CFAP92: variants seen among roughly 807,000 people sequenced by gnomAD.
CFAP92 encodes the protein cilia and flagella associated protein 92 (putative), also known as uncharacterized protein CFAP92.
In CFAP92, 86 loss-of-function variants were observed where a neutral mutation model predicts 106.3. The ratio of observed to expected loss-of-function variants is 0.81; its 90% confidence interval spans 0.68 to 0.97. The LOEUF is 0.97. Ranked by LOEUF, CFAP92 falls within the 50% of genes least tolerant of loss-of-function variation. CFAP92 has a pLI of 0.00. For missense variants in CFAP92, 1,204 were observed against 1,283.8 expected, an observed-to-expected ratio of 0.94 and a Z score of 0.95; for synonymous variants, 477 against 506.4, an observed-to-expected ratio of 0.94 and a Z score of 0.78.
upstream of CFAP92, among the ~76,000 whole-genome samples, chr3:129,004,351 CATTT>C (rs1397755091): frequency 6.8e-6 from 1 of 146,100 alleles, no homozygotes; most frequent in Non-Finnish European, 1.5e-5. Context: ...TCCATCCATC[CATTT>C]GTCCATTCAC....
rs151136322 is a variant in CFAP92 at position 128,926,077 on chromosome 3, G to A, written c.2751+6623C>T. 4.9e-3 allele frequency among the ~76,000 whole-genome samples: 741 copies of A among 152,260 alleles called. 8 individuals are homozygous for A. The highest frequency in any genetic ancestry group is 0.017 in the African/African-American group (705 of 41,538). ...CTCATTTGAATAAAAGTAAAACACT[G>A]TCAATTAGAAAAATACAACTAGATT... On this transcript the variant is annotated intron_variant, in intron 12 of 15. Transcript: ENST00000645291.
chr3:128,915,550 C>A lies in CFAP92; in HGVS notation c.2930G>T (p.Arg977Ile). The change falls in exon 14 of 16, where the codon AGA becomes ATA. Residue 977 changes from arginine to isoleucine, a missense_variant. Physicochemically the swap from Arg to Ile is moderately conservative, Grantham distance 97. Coordinates refer to ENST00000645291, the MANE Select transcript of CFAP92 (RefSeq NM_001394090.1). ...GAGGTAATCCTGTGAGTACGTGAAT[C>A]TCTTTCTTGGCTCCTAGAAATGGGG... ...YQEIAKEPRK[R>I]FTYSQDYLSA... The A allele has an allele frequency of 6.6e-7, 1 of 1,517,962 alleles. No homozygotes were observed. Among genetic ancestry groups the A allele is most frequent in the African/African-American group, 1.4e-5 (1 of 72,128 alleles). 94.0% of individuals were successfully genotyped at this position (1,517,962 alleles called of 1,614,324 possible).
At chr3:128,927,137 A>G (rs543121838) in intron 12 of CFAP92, among the ~76,000 whole-genome samples, 1 of 152,244 alleles carries the variant, frequency 6.6e-6, no homozygotes, top group African/African-American at 2.4e-5. Context: ...CTCCATTCAC[A>G]CACAACAAAG....
intron 12 of CFAP92, among the ~76,000 whole-genome samples, chr3:128,925,589 CA>C (rs1403979133): frequency 6.6e-6 from 1 of 152,082 alleles, no homozygotes; most frequent in Non-Finnish European, 1.5e-5. Flanking sequence ...AAATATCTAA[CA>C]TTGGAGTCCC....
the CFAP92 span, among the ~76,000 whole-genome samples, chr3:129,017,182 C>G: frequency 6.6e-6 from 1 of 152,240 alleles, no homozygotes; most frequent in African/African-American, 2.4e-5. Context: ...CTAAACCAAT[C>G]TGAAGGAAGC....
chr3:129,024,213 C>T, the CFAP92 span, among the ~76,000 whole-genome samples: 1 of 152,110 alleles, frequency 6.6e-6, no homozygotes, highest in Non-Finnish European at 1.5e-5. Context: ...AACAGAATAC[C>T]ACAGACTGGG....
chr3:128,943,037 A>G (rs1939816585), intron 10 of CFAP92, among the ~76,000 whole-genome samples: 1 of 147,536 alleles, frequency 6.8e-6, no homozygotes, highest in Non-Finnish European at 1.5e-5. Flanking sequence ...CTCCTGCCTC[A>G]GCCTCCTGAG....
chr3:128,928,374 A>G (rs1414860558), intron 12 of CFAP92, among the ~76,000 whole-genome samples: 1 of 152,240 alleles, frequency 6.6e-6, no homozygotes, highest in Non-Finnish European at 1.5e-5. Context: ...AGCAATTTTG[A>G]AAAAGAACAA....
chr3:128,977,456 C>T (rs1319829116), intron 5 of CFAP92, among the ~76,000 whole-genome samples: 1 of 152,238 alleles, frequency 6.6e-6, no homozygotes, highest in Non-Finnish European at 1.5e-5. Flanking sequence ...CACCACACTA[C>T]AATGTTACAT....
At chr3:128,943,316 C>A (rs1370926877) in intron 10 of CFAP92, among the ~76,000 whole-genome samples, 1 of 152,122 alleles carries the variant, frequency 6.6e-6, no homozygotes, top group Non-Finnish European at 1.5e-5. Context: ...TCCTCCACAT[C>A]CCTAAAGGCA....
At chr3:129,003,929 C>T (rs1559954883), upstream of CFAP92, 10 of 1,376,592 alleles carry the variant, frequency 7.3e-6, no homozygotes, top group Non-Finnish European at 7.5e-6. Context: ...GCGCCGTGGC[C>T]AGGCCGAGGT....
chr3:129,002,239 A>G, intron 1 of CFAP92: 1 of 1,529,556 alleles, frequency 6.5e-7, no homozygotes, highest in Admixed American at 2.0e-5. Context: ...GCGCGGCTGG[A>G]GGAGGAGAAT....
At chr3:129,005,617 C>T (rs1945039226), upstream of CFAP92, among the ~76,000 whole-genome samples, 1 of 152,244 alleles carries the variant, frequency 6.6e-6, no homozygotes, top group South Asian at 2.1e-4. Context: ...GTGCAGAGCC[C>T]AGTGAGGGGC....
intron 9 of CFAP92, among the ~76,000 whole-genome samples, chr3:128,959,403 G>T (rs991254190): frequency 6.6e-6 from 1 of 152,010 alleles, no homozygotes; most frequent in African/African-American, 2.4e-5. Flanking sequence ...CCAGTCATGT[G>T]TAAGGATAAA....
chr3:129,000,284 A>G (rs1251721271), intron 1 of CFAP92, among the ~76,000 whole-genome samples: 1 of 152,244 alleles, frequency 6.6e-6, no homozygotes, highest in East Asian at 1.9e-4. Flanking sequence ...CTTGGGGAGA[A>G]GCCTCTAACT....
intron 10 of CFAP92, among the ~76,000 whole-genome samples, chr3:128,938,734 C>T (rs7616640): frequency 0.029 from 4,367 of 152,010 alleles, 104 homozygotes; most frequent in South Asian, 0.11. Context: ...CCTGGTGATC[C>T]GCCCGCCTCA....
At chr3:128,994,714 C>T (rs1307858878), upstream of CFAP92, among the ~76,000 whole-genome samples, 2 of 152,168 alleles carry the variant, frequency 1.3e-5, no homozygotes, top group East Asian at 1.9e-4. Context: ...CCAAAGCCTC[C>T]GCTCGTCTGC....
intron 9 of CFAP92, 87 bp downstream of exon 9, chr3:128,965,424 C>A (rs1051045179): frequency 1.3e-4 from 50 of 398,004 alleles, no homozygotes; most frequent in African/African-American, 2.1e-5. Flanking sequence ...TCATGTGGGG[C>A]CATCAGGAGG....
At chr3:128,937,786 T>A (rs1205504201) in intron 10 of CFAP92, among the ~76,000 whole-genome samples, 1 of 151,820 alleles carries the variant, frequency 6.6e-6, no homozygotes, top group Admixed American at 6.6e-5. Context: ...TTAGGCCAGG[T>A]GCACTGGCTC....
Sources: gnomAD v4.1 joint callset for allele counts (sites outside exome capture counted in the v4.1 genomes callset) on GRCh38, gnomAD v4.1.1 for gene constraint, MANE v1.5 for transcripts, NCBI Gene and HGNC (gene_info 2026-07-23, HGNC 2026-07-21) for gene names.